Variants in RYR2 observed in about 807,000 individuals in gnomAD.
RYR2 encodes the protein ryanodine receptor 2.
Under a neutral mutation model 601.1 loss-of-function variants are expected in RYR2, and 227 were observed. The observed-to-expected ratio is 0.38, with a 90% CI of 0.34 to 0.42. RYR2 has a LOEUF of 0.42. RYR2 is among the 10% of genes least tolerant of loss of function. The pLI, the probability that RYR2 is intolerant of heterozygous loss-of-function variation, is 1.00. For synonymous variants in RYR2, 2,223 were observed against 2,175.1 expected (o/e 1.02, Z -0.61); for missense variants, 4,646 against 6,156.5 (o/e 0.75, Z 8.21).
chr1:237,604,850 C>T (rs1032278020), intron 35 of RYR2, among the ~76,000 whole-genome samples: 1 of 152,100 alleles, frequency 6.6e-6, no homozygotes, highest in African/African-American at 2.4e-5. Context: ...TCGACACATA[C>T]ACCCTCCCAA....
At chr1:237,490,099 G>A (rs1418267565) in intron 17 of RYR2, among the ~76,000 whole-genome samples, 3 of 152,112 alleles carry the variant, frequency 2.0e-5, no homozygotes, top group South Asian at 2.1e-4. Flanking sequence ...CACATACAGC[G>A]TATTATCACT....
chr1:237,682,266 A>C (rs976721194), intron 62 of RYR2, among the ~76,000 whole-genome samples: 2 of 152,168 alleles, frequency 1.3e-5, no homozygotes, highest in African/African-American at 4.8e-5. Context: ...ACCTTGGCCA[A>C]TTCTGTATCC....
In RYR2 at chr1:237,396,332, C is replaced by T. The variant is rs868785256; in HGVS notation, c.773+8149C>T. Among the ~76,000 whole-genome samples the T allele has an allele frequency of 1.1e-4, 16 of 152,246 alleles. No homozygotes were observed. The Middle Eastern group carries it at 0.01, about 97-fold the overall frequency. On this transcript the variant is annotated intron_variant, in intron 10 of 104. Transcript: ENST00000366574. Reference sequence around the variant, plus strand: ...GATTTCAAGTGAGTAACTCTACATACGGGAAGAGTCTCTGGACCAATAGAA... The same window carrying T: ...GATTTCAAGTGAGTAACTCTACATATGGGAAGAGTCTCTGGACCAATAGAA...
chr1:237,230,416 T>C (rs1684858404), intron 1 of RYR2, among the ~76,000 whole-genome samples: 1 of 152,204 alleles, frequency 6.6e-6, no homozygotes. Context: ...TCACTTGAAA[T>C]GAATAATCAG....
chr1:237,436,534 G>A (rs1205166875), intron 12 of RYR2, among the ~76,000 whole-genome samples: 2 of 138,344 alleles, frequency 1.4e-5, no homozygotes, highest in East Asian at 2.1e-4. Context: ...AGTACCAGTC[G>A]TTTCTCTTAC....
intron 34 of RYR2, among the ~76,000 whole-genome samples, chr1:237,596,530 A>T (rs1022435533): frequency 1.3e-5 from 2 of 152,156 alleles, no homozygotes; most frequent in African/African-American, 4.8e-5. Context: ...AATAAGAAAG[A>T]AGGAAAAAAG....
At chr1:237,127,891 A>C (rs1423879912) in intron 1 of RYR2, among the ~76,000 whole-genome samples, 1 of 149,020 alleles carries the variant, frequency 6.7e-6, no homozygotes. Context: ...GACGCTCCTC[A>C]CTTTCCAGAC....
intron 3 of RYR2, among the ~76,000 whole-genome samples, chr1:237,340,169 A>T (rs1282552736): frequency 6.6e-6 from 1 of 152,180 alleles, no homozygotes; most frequent in Admixed American, 6.6e-5. Flanking sequence ...CCAAACTAGG[A>T]CCAACAAGTA....
chr1:237,233,861 A>ATT (rs201152635), intron 1 of RYR2, among the ~76,000 whole-genome samples: 4 of 144,828 alleles, frequency 2.8e-5, no homozygotes, highest in East Asian at 2.0e-4. Context: ...TAATTTTTGT[A>ATT]TTTTTTTTTT....
At chr1:237,330,194 CTT>C (rs762909493) in intron 2 of RYR2, among the ~76,000 whole-genome samples, 2 of 152,290 alleles carry the variant, frequency 1.3e-5, no homozygotes, top group East Asian at 1.9e-4. Flanking sequence ...AACTCTGTGA[CTT>C]TGGAAAAGGA....
At chr1:237,230,167 C>T (rs899677413) in intron 1 of RYR2, among the ~76,000 whole-genome samples, 1 of 152,166 alleles carries the variant, frequency 6.6e-6, no homozygotes, top group Admixed American at 6.5e-5. Flanking sequence ...GAATTAAAAA[C>T]AACCAACTAA....
At chr1:237,652,325 T>A (rs1456232142) in intron 51 of RYR2, among the ~76,000 whole-genome samples, 1 of 152,204 alleles carries the variant, frequency 6.6e-6, no homozygotes, top group East Asian at 1.9e-4. Context: ...TCTCACTCTA[T>A]CTTACTGAGT....
At chr1:237,081,625 A>C (rs920037740) in intron 1 of RYR2, among the ~76,000 whole-genome samples, 1 of 151,924 alleles carries the variant, frequency 6.6e-6, no homozygotes, top group African/African-American at 2.4e-5. Flanking sequence ...ACATACGCAC[A>C]CACTCTCTCT....
At chr1:237,046,634 G>T (rs1018621915) in intron 1 of RYR2, among the ~76,000 whole-genome samples, 3 of 152,140 alleles carry the variant, frequency 2.0e-5, no homozygotes, top group Non-Finnish European at 2.9e-5. Flanking sequence ...GATCTAAAAC[G>T]CTTAGGGCAC....
intron 35 of RYR2, among the ~76,000 whole-genome samples, chr1:237,603,285 G>A (rs903373907): frequency 6.6e-6 from 1 of 152,162 alleles, no homozygotes; most frequent in Non-Finnish European, 1.5e-5. Context: ...CTCTAGTCTG[G>A]CACGGTGAAG....
chr1:237,515,673 T>TTCCG (rs1666370253), intron 24 of RYR2, among the ~76,000 whole-genome samples: 3 of 65,606 alleles, frequency 4.6e-5, no homozygotes, highest in Non-Finnish European at 6.9e-5. Context: ...CTCCCTTTTT[T>TTCCG]TCCTTCCTTC....
At chr1:237,476,327 T>C (rs868379500) in intron 17 of RYR2, among the ~76,000 whole-genome samples, 1 of 151,780 alleles carries the variant, frequency 6.6e-6, no homozygotes, top group African/African-American at 2.4e-5. Flanking sequence ...CTGGCCAACA[T>C]AGTGAAACCC....
At chr1:237,519,716 T>G (rs559799760) in intron 24 of RYR2, among the ~76,000 whole-genome samples, 79 of 152,326 alleles carry the variant, frequency 5.2e-4, no homozygotes, top group African/African-American at 1.8e-3. Context: ...TCAGGTAATA[T>G]GATGCCTCCT....
chr1:237,657,966 G>C lies in RYR2; in HGVS notation c.8152G>C (p.Glu2718Gln). 1 of 1,513,428 alleles carries C rather than the reference G, an allele frequency of 6.6e-7. No individual in the cohort carries two copies. The highest frequency in any genetic ancestry group is 8.9e-7 in the Non-Finnish European group (1 of 1,127,096). The allele number at this position is 1,513,428 out of a possible 1,614,324, so 93.7% of individuals were successfully genotyped here. The change falls in exon 54 of 105, where the codon GAA becomes CAA. Residue 2718 changes from glutamate to glutamine, a missense_variant. By Grantham distance (29) the Glu-to-Gln change is conservative. Around this residue, in one of 17 missense-constraint regions of RYR2, gnomAD observed 1,497 missense variants for 1,842.6 expected, o/e 0.81. Transcript: ENST00000366574. The part of the protein sequence containing the change: ...TSNITIPEKL[E>Q]YFINKYAEHS... ...TAGTATTACAATTCCTGAGAAATTGGAATACTTCATTAACAAATATGCAGA... is the reference window on the plus strand; with the variant it reads ...TAGTATTACAATTCCTGAGAAATTGCAATACTTCATTAACAAATATGCAGA...
Sources: gnomAD v4.1 joint callset for allele counts (sites outside exome capture counted in the v4.1 genomes callset) on GRCh38, gnomAD v4.1.1 for gene constraint, gnomAD v4.1.1 regional missense constraint, MANE v1.5 for transcripts, NCBI Gene and HGNC (gene_info 2026-07-23, HGNC 2026-07-21) for gene names.